DAB1: variants seen among roughly 807,000 people sequenced by gnomAD.
DAB1 encodes the protein disabled homolog 1.
A neutral mutation model predicts 64.6 loss-of-function variants in DAB1; 15 were observed. The ratio of observed to expected loss-of-function variants is 0.23; its 90% CI spans 0.16 to 0.36. The LOEUF is 0.36. Among genes scored for constraint, DAB1 ranks in the 10% least tolerant of loss-of-function variants. The pLI, the probability that DAB1 is intolerant of heterozygous loss-of-function variation, is 1.00. For synonymous variants in DAB1, 235 were observed against 251.9 expected (o/e 0.93, Z 0.64); for missense variants, 596 against 706.7 (o/e 0.84, Z 1.78).
chr1:58,208,139 C>T (rs1222194406), intron 4 of DAB1, among the ~76,000 whole-genome samples: 2 of 152,110 alleles, frequency 1.3e-5, no homozygotes, highest in African/African-American at 2.4e-5. Context: ...AATTACCTCC[C>T]ACTGGGTCCC....
rs142069198 is a variant in DAB1, at chr1:57,171,971, C to T, written c.68-26542G>A. Among the ~76,000 whole-genome samples the T allele has an allele frequency of 2.0e-4, 30 of 152,186 alleles. No homozygotes were observed. The East Asian group carries it at 5.0e-3, about 25-fold the overall frequency. Reference sequence around the variant, plus strand: ...GGCTAGAAGTTCAAGATCAAGTTGCCGGCAGGGTTGGGCCCTTCTAAAGAC... The same window carrying T: ...GGCTAGAAGTTCAAGATCAAGTTGCTGGCAGGGTTGGGCCCTTCTAAAGAC... On this transcript the variant is annotated intron_variant, in intron 2 of 14. Transcript: ENST00000371236.
chr1:57,406,973 A>G (rs945379799), intron 1 of DAB1, among the ~76,000 whole-genome samples: 1 of 152,262 alleles, frequency 6.6e-6, no homozygotes, highest in Non-Finnish European at 1.5e-5. Flanking sequence ...CCTACAGAAC[A>G]TATCTCATAT....
At chr1:57,718,874 T>A (rs916739110) in intron 6 of DAB1, among the ~76,000 whole-genome samples, 6 of 151,978 alleles carry the variant, frequency 3.9e-5, no homozygotes, top group African/African-American at 1.2e-4. Flanking sequence ...AAAATAATTT[T>A]AAAAGCATTC....
intron 7 of DAB1, among the ~76,000 whole-genome samples, chr1:57,498,676 T>G (rs953150662): frequency 6.6e-6 from 1 of 152,170 alleles, no homozygotes; most frequent in Non-Finnish European, 1.5e-5. Flanking sequence ...ATAACACGAT[T>G]TGTAATGAGG....
intron 4 of DAB1, among the ~76,000 whole-genome samples, chr1:58,220,672 T>A (rs1659112761): frequency 6.6e-6 from 1 of 152,110 alleles, no homozygotes; most frequent in African/African-American, 2.4e-5. Flanking sequence ...CAATTTGGGG[T>A]AAATCACTTT....
intron 6 of DAB1, among the ~76,000 whole-genome samples, chr1:57,777,526 C>T (rs914583322): frequency 1.3e-5 from 2 of 151,578 alleles, no homozygotes; most frequent in African/African-American, 2.4e-5. Flanking sequence ...CTTCAAATTC[C>T]TTTATCTTTT....
chr1:58,158,754 C>T (rs897935502), intron 4 of DAB1, among the ~76,000 whole-genome samples: 5 of 151,584 alleles, frequency 3.3e-5, no homozygotes, highest in African/African-American at 7.3e-5. Context: ...GCAGCTTAAT[C>T]TTTCAGGCAA....
intron 5 of DAB1, among the ~76,000 whole-genome samples, chr1:58,148,729 A>C (rs547179519): frequency 1.3e-5 from 2 of 151,882 alleles, no homozygotes; most frequent in East Asian, 1.9e-4. Context: ...AAACCATCGG[A>C]TCTCTCGAGA....
Position 57,697,244 on chromosome 1 carries a change from GATCA to G in DAB1, n.552-47583_552-47580del, listed in dbSNP as rs531584758. 2.4e-3 allele frequency among the ~76,000 whole-genome samples: 361 copies of G among 152,072 alleles called. 1 individual carries two copies. The highest frequency in any genetic ancestry group is 0.014 in the South Asian group (65 of 4,812). On this transcript the variant is annotated intron_variant and non_coding_transcript_variant, in intron 6 of 20. Coordinates refer to the DAB1 transcript ENST00000485760. ...GAATGAATGAATGAATAAATGAGTT[GATCA>G]ATCAATCAAAATTTAGAATCTTTCT...
At chr1:57,846,986 C>T (rs866401695) in intron 1 of DAB1, among the ~76,000 whole-genome samples, 9 of 152,294 alleles carry the variant, frequency 5.9e-5, no homozygotes, top group African/African-American at 2.2e-4. Context: ...TGGTACTTAA[C>T]TAAGTCTTGT....
chr1:57,445,525 C>T (rs1053066864), intron 7 of DAB1, among the ~76,000 whole-genome samples: 3 of 152,108 alleles, frequency 2.0e-5, no homozygotes. Flanking sequence ...TTCATTATCA[C>T]TAAACTAGTT....
chr1:57,323,831 C>T (rs749299851), intron 1 of DAB1, among the ~76,000 whole-genome samples: 12 of 151,870 alleles, frequency 7.9e-5, no homozygotes, highest in South Asian at 6.3e-4. Flanking sequence ...ATCGGGGTGG[C>T]GAAATGTTAC....
intron 7 of DAB1, among the ~76,000 whole-genome samples, chr1:57,440,291 C>G (rs1166490731): frequency 6.6e-6 from 1 of 152,204 alleles, no homozygotes. Context: ...AGATGCTAAG[C>G]TGCTTATAAA....
chr1:58,011,945 C>A (rs1212936418), intron 5 of DAB1, among the ~76,000 whole-genome samples: 3 of 152,198 alleles, frequency 2.0e-5, no homozygotes, highest in Non-Finnish European at 4.4e-5. Flanking sequence ...CCTGCCTCGG[C>A]CTCCCAAAGT....
intron 4 of DAB1, among the ~76,000 whole-genome samples, chr1:57,112,206 G>A (rs1011566351): frequency 2.0e-5 from 3 of 152,192 alleles, no homozygotes; most frequent in African/African-American, 7.2e-5. Flanking sequence ...CTTCCAGCTA[G>A]GAGACTAAGA....
At chr1:57,927,536 CAAA>C (rs966266937) in intron 5 of DAB1, among the ~76,000 whole-genome samples, 10 of 152,018 alleles carry the variant, frequency 6.6e-5, no homozygotes. Flanking sequence ...AAAAACAAAA[CAAA>C]AAACCAACCA....
chr1:57,573,029 G>C (rs1049818266), intron 7 of DAB1, among the ~76,000 whole-genome samples: 2 of 152,166 alleles, frequency 1.3e-5, no homozygotes, highest in Non-Finnish European at 2.9e-5. Flanking sequence ...TTCAACAAGA[G>C]ATTTGGGCAG....
rs536762880 is a variant in DAB1, at chr1:57,625,375, G to A, written n.625+24217C>T. 3.3e-5 allele frequency among the ~76,000 whole-genome samples: 5 copies of A among 151,934 alleles called. No homozygotes were observed. In the East Asian group the frequency reaches 5.8e-4, roughly 18 times the overall value. ...TCTCCCCCCTTATCTCACTCACCGC[G>A]TCTATAGGGACAGGCCAGCCACTGG... is the stretch of plus-strand genomic sequence containing the variant. On this transcript the variant is annotated intron_variant and non_coding_transcript_variant, in intron 7 of 20. Coordinates refer to the DAB1 transcript ENST00000485760.
At chr1:58,091,480 A>G (rs1042535137) in intron 5 of DAB1, among the ~76,000 whole-genome samples, 2 of 152,170 alleles carry the variant, frequency 1.3e-5, no homozygotes, top group Non-Finnish European at 2.9e-5. Flanking sequence ...TGTCTTTACA[A>G]TGATAACCCT....
Sources: gnomAD v4.1 joint callset for allele counts (sites outside exome capture counted in the v4.1 genomes callset) on GRCh38, gnomAD v4.1.1 for gene constraint, MANE v1.5 for transcripts, NCBI Gene and HGNC (gene_info 2026-07-23, HGNC 2026-07-21) for gene names.